Variants in KLHL1 observed in about 807,000 individuals in gnomAD.
KLHL1 encodes the protein kelch-like protein 1.
In KLHL1, 47 loss-of-function variants were observed where a neutral mutation model predicts 77.7. The ratio of observed to expected loss-of-function variants is 0.60; its 90% CI spans 0.48 to 0.77. The LOEUF (loss-of-function observed/expected upper bound fraction) is 0.77, where lower values mean the gene tolerates loss of function less well. Among genes scored for constraint, KLHL1 ranks in the 30% least tolerant of loss-of-function variants. KLHL1 has a pLI of 0.00. For synonymous variants in KLHL1, 360 were observed against 325.2 expected, an observed-to-expected ratio of 1.11 and a Z score of -1.15; for missense variants, 925 against 910.8, an observed-to-expected ratio of 1.02 and a Z score of -0.20.
chr13:69,997,654 C>T (rs1885189331), intron 1 of KLHL1, among the ~76,000 whole-genome samples: 1 of 138,340 alleles, frequency 7.2e-6, no homozygotes, highest in African/African-American at 2.7e-5. Context: ...TCTTAGCTGA[C>T]TAAATAATAT....
intron 7 of KLHL1, among the ~76,000 whole-genome samples, chr13:69,765,834 T>G (rs1875275632): frequency 6.6e-6 from 1 of 152,192 alleles, no homozygotes; most frequent in Non-Finnish European, 1.5e-5. Flanking sequence ...AGACCTCTGA[T>G]GCTCTAAGGG....
chr13:69,710,054 T>C (rs1875807654), intron 9 of KLHL1, among the ~76,000 whole-genome samples: 1 of 151,630 alleles, frequency 6.6e-6, no homozygotes, highest in Admixed American at 6.6e-5. Flanking sequence ...GTTGCAAATA[T>C]ATACTTTTTT....
intron 6 of KLHL1, among the ~76,000 whole-genome samples, chr13:69,819,098 A>C (rs1423212303): frequency 6.6e-6 from 1 of 152,162 alleles, no homozygotes; most frequent in Non-Finnish European, 1.5e-5. Context: ...TGTTCTTTAA[A>C]AGATCCTGAT....
chr13:69,968,441 G>T (rs1292833138), intron 2 of KLHL1, among the ~76,000 whole-genome samples: 2 of 149,680 alleles, frequency 1.3e-5, no homozygotes, highest in Non-Finnish European at 3.0e-5. Context: ...TGGTAGTCTA[G>T]AATCCAACCT....
At chr13:70,003,070 G>A (rs1885334920) in intron 1 of KLHL1, among the ~76,000 whole-genome samples, 1 of 151,534 alleles carries the variant, frequency 6.6e-6, no homozygotes, top group Admixed American at 6.6e-5. Flanking sequence ...TAACAGAAAA[G>A]TGAACAAAAT....
At chr13:69,905,590 G>A (rs528528524) in intron 4 of KLHL1, among the ~76,000 whole-genome samples, 1 of 151,998 alleles carries the variant, frequency 6.6e-6, no homozygotes, top group Admixed American at 6.5e-5. Context: ...TTGAATTCCT[G>A]CCAACTGCAT....
chr13:70,069,761 A>G (rs904387098), intron 1 of KLHL1, among the ~76,000 whole-genome samples: 29 of 152,338 alleles, frequency 1.9e-4, no homozygotes, highest in African/African-American at 6.5e-4. Context: ...ATGTCGATTT[A>G]ATCTTCCAGA....
At chr13:70,002,354 A>G (rs972335047) in intron 1 of KLHL1, among the ~76,000 whole-genome samples, 2 of 151,602 alleles carry the variant, frequency 1.3e-5, no homozygotes, top group Non-Finnish European at 1.5e-5. Flanking sequence ...ATAGATTAGG[A>G]AAATAAAATC....
chr13:69,840,698 A>ATG (rs755515234), intron 5 of KLHL1, among the ~76,000 whole-genome samples: 2,132 of 146,332 alleles, frequency 0.015, 45 homozygotes, highest in African/African-American at 0.048. Flanking sequence ...ATATATATAT[A>ATG]TATGTATGTA....
At chr13:70,059,642 A>G (rs1417128097) in intron 1 of KLHL1, among the ~76,000 whole-genome samples, 2 of 152,238 alleles carry the variant, frequency 1.3e-5, no homozygotes, top group Non-Finnish European at 2.9e-5. Flanking sequence ...ATATTAGTCC[A>G]TTCTCTCATT....
At chr13:69,857,854 T>A (rs71429622) in intron 5 of KLHL1, among the ~76,000 whole-genome samples, 28,107 of 151,156 alleles carry the variant, frequency 0.19, 2,932 homozygotes, top group East Asian at 0.24. Context: ...AATATAAAAA[T>A]ATATATATAT....
chr13:69,719,651 T>A, intron 8 of KLHL1, 70 bp from the exon 9 acceptor site: 1 of 1,237,448 alleles, frequency 8.1e-7, no homozygotes, highest in Non-Finnish European at 1.1e-6. Flanking sequence ...AAAGGTCCTT[T>A]AAAATAAATT....
At position 69,975,624 on chromosome 13, in the gene KLHL1, G is replaced by C; in HGVS notation, c.676C>G (p.His226Asp). The C allele has an allele frequency of 6.2e-7, 1 of 1,612,876 alleles. No individual in the cohort carries two copies. Among genetic ancestry groups the C allele is most frequent in the Non-Finnish European group, 8.5e-7 (1 of 1,179,350 alleles). ...AGTAGAGGCAGACTACTGTACCTAT[G>C]TGCAGGTATCTTTCGGTTCCCAACA... Reference protein sequence around the residue: ...LIVGNRKIPAHRLVLSSVSDY... With the variant: ...LIVGNRKIPADRLVLSSVSDY... Residue 226 changes from histidine (H) to aspartate (D), a missense_variant, in exon 2 of 11, where the codon CAT (histidine) becomes GAT (aspartate). Physicochemically the swap from His to Asp is moderately conservative, Grantham distance 81 (BLOSUM62 -1). Coordinates refer to ENST00000377844, the MANE Select transcript of KLHL1 (RefSeq NM_020866.3).
intron 5 of KLHL1, among the ~76,000 whole-genome samples, chr13:69,869,293 G>A (rs1199572241): frequency 6.6e-6 from 1 of 151,864 alleles, no homozygotes; most frequent in Non-Finnish European, 1.5e-5. Context: ...AATTTATTCA[G>A]AGTATTAAAT....
intron 5 of KLHL1, among the ~76,000 whole-genome samples, chr13:69,881,695 C>T (rs1340569262): frequency 6.6e-6 from 1 of 152,144 alleles, no homozygotes; most frequent in East Asian, 1.9e-4. Flanking sequence ...CTACTTAACT[C>T]ATCGATAAAG....
intron 1 of KLHL1, among the ~76,000 whole-genome samples, chr13:69,992,152 T>C (rs1316045304): frequency 2.0e-5 from 3 of 152,060 alleles, no homozygotes; most frequent in Non-Finnish European, 2.9e-5. Flanking sequence ...CTTCATTTTA[T>C]GAAATTATTT....
intron 1 of KLHL1, among the ~76,000 whole-genome samples, chr13:70,006,251 A>G (rs1885401968): frequency 6.6e-6 from 1 of 152,060 alleles, no homozygotes; most frequent in African/African-American, 2.4e-5. Flanking sequence ...CATTTTCTTT[A>G]TCTATTTGCT....
At chr13:69,807,313 C>T (rs6562595) in intron 6 of KLHL1, among the ~76,000 whole-genome samples, 204 of 152,160 alleles carry the variant, frequency 1.3e-3, no homozygotes, top group African/African-American at 4.6e-3. Flanking sequence ...CAAGCCCACC[C>T]TTGGCCTGAG....
chr13:69,958,402 T>G (rs1354990646), intron 3 of KLHL1, among the ~76,000 whole-genome samples: 1 of 151,812 alleles, frequency 6.6e-6, no homozygotes, highest in Non-Finnish European at 1.5e-5. Flanking sequence ...TATCTTAATA[T>G]GTACAATTTT....
Sources: gnomAD v4.1 joint callset for allele counts (sites outside exome capture counted in the v4.1 genomes callset) on GRCh38, gnomAD v4.1.1 for gene constraint, MANE v1.5 for transcripts, NCBI Gene and HGNC (gene_info 2026-07-23, HGNC 2026-07-21) for gene names.